The following ATAD2B variants were observed in gnomAD, a reference collection of about 807,000 sequenced individuals.
The protein encoded by ATAD2B is ATPase family AAA domain containing 2B.
A neutral mutation model predicts 167.6 loss-of-function variants in ATAD2B; 40 were observed. The observed-to-expected ratio is 0.24, with a 90% CI of 0.19 to 0.31. The LOEUF (loss-of-function observed/expected upper bound fraction) is 0.31, where lower values mean the gene tolerates loss of function less well. Ranked by LOEUF, ATAD2B falls within the 10% of genes least tolerant of loss-of-function variation. The pLI is 1.00. For synonymous variants in ATAD2B, 579 were observed against 596.5 expected (o/e 0.97, Z 0.43); for missense variants, 1,242 against 1,757.2 (o/e 0.71, Z 5.24).
chr2:23,868,089 T>C, intron 9 of ATAD2B, 143 bp from the exon 10 acceptor site: 1 of 612,802 alleles, frequency 1.6e-6, no homozygotes, highest in Non-Finnish European at 2.8e-6. Context: ...TTTCATACTT[T>C]TACTCTACTT....
At chr2:23,696,319 C>T in the ATAD2B span, 6 of 1,551,116 alleles carry the variant, frequency 3.9e-6, no homozygotes, top group African/African-American at 4.1e-5. This position sits in a 1 kb window ranked among gnomAD's most constrained non-coding sequence, Gnocchi z 5.5. Context: ...CTCTGCCTCC[C>T]ACACTGCCTC....
chr2:23,741,212 C>T, the ATAD2B span, among the ~76,000 whole-genome samples: 1 of 152,030 alleles, frequency 6.6e-6, no homozygotes, highest in African/African-American at 2.4e-5. Context: ...CTTTAAAGTT[C>T]ATATGGAACC....
intron 13 of ATAD2B, among the ~76,000 whole-genome samples, chr2:23,836,115 C>T (rs534474613): frequency 6.7e-6 from 1 of 149,960 alleles, no homozygotes; most frequent in South Asian, 2.2e-4. Context: ...CAGCCTGTAT[C>T]CCATGCCTGC....
chr2:23,693,571 G>T, the ATAD2B span: 1 of 1,531,448 alleles, frequency 6.5e-7, no homozygotes, highest in Non-Finnish European at 8.8e-7. Context: ...CTGGGTTTGG[G>T]GTCCCCCTGC....
At chr2:23,857,820 C>A (rs1372971836) in intron 12 of ATAD2B, among the ~76,000 whole-genome samples, 1 of 146,368 alleles carries the variant, frequency 6.8e-6, no homozygotes, top group Non-Finnish European at 1.5e-5. Flanking sequence ...CGGCTCACTA[C>A]AAGCTCCGTC....
intron 13 of ATAD2B, chr2:23,856,484 T>C (rs1385491364): frequency 7.4e-6 from 3 of 404,834 alleles, no homozygotes; most frequent in Admixed American, 3.2e-5. Context: ...AGATGGTAGA[T>C]TGAAAAATAA....
chr2:23,900,631 G>A (rs1482749678), intron 1 of ATAD2B: 4 of 152,192 alleles, frequency 2.6e-5, no homozygotes, highest in African/African-American at 7.2e-5. Flanking sequence ...ATTAGAGTTT[G>A]AAAAGCATTA....
chr2:23,688,531 G>C, the ATAD2B span, among the ~76,000 whole-genome samples: 5 of 152,190 alleles, frequency 3.3e-5, no homozygotes, highest in Non-Finnish European at 5.9e-5. Context: ...AAACATTCTA[G>C]TAGTTGGGCC....
At chr2:23,899,125 G>C (rs1700482738) in intron 1 of ATAD2B, among the ~76,000 whole-genome samples, 1 of 152,140 alleles carries the variant, frequency 6.6e-6, no homozygotes, top group African/African-American at 2.4e-5. Flanking sequence ...TCCAGCCTGG[G>C]CAACAAGAGG....
chr2:23,844,747 C>A (rs1691469085), intron 13 of ATAD2B, among the ~76,000 whole-genome samples: 2 of 151,742 alleles, frequency 1.3e-5, no homozygotes, highest in Non-Finnish European at 2.9e-5. Flanking sequence ...GGGACAACAT[C>A]AAGAAACTTA....
At chr2:23,687,578 C>T in the ATAD2B span, among the ~76,000 whole-genome samples, 10 of 152,322 alleles carry the variant, frequency 6.6e-5, no homozygotes, top group East Asian at 1.5e-3. Flanking sequence ...GGTGGGGACA[C>T]GCTGCAGACA....
At chr2:23,705,937 G>A in the ATAD2B span, among the ~76,000 whole-genome samples, 3 of 152,184 alleles carry the variant, frequency 2.0e-5, no homozygotes, top group African/African-American at 7.2e-5. Flanking sequence ...AGGGGTCCAG[G>A]CACAGCCATC....
At chr2:23,866,769 T>C (rs1041888066) in intron 10 of ATAD2B, among the ~76,000 whole-genome samples, 2 of 152,244 alleles carry the variant, frequency 1.3e-5, no homozygotes, top group Non-Finnish European at 2.9e-5. Flanking sequence ...TATGCAATTC[T>C]ATTTGATAAC....
At chr2:23,883,530 T>C in intron 6 of ATAD2B, 2 of 961,274 alleles carry the variant, frequency 2.1e-6, no homozygotes, top group Non-Finnish European at 2.8e-6. Context: ...ATATCTACTT[T>C]GGAAACTCTA....
At chr2:23,863,694 T>C in intron 11 of ATAD2B, 139 bp from the exon 12 acceptor site, 1 of 814,606 alleles carries the variant, frequency 1.2e-6, no homozygotes, top group South Asian at 2.4e-5. Context: ...TTTTCCAGGA[T>C]ATAGACAAAA....
At chr2:23,905,523 CA>C (rs917708958) in intron 1 of ATAD2B, among the ~76,000 whole-genome samples, 2 of 151,294 alleles carry the variant, frequency 1.3e-5, no homozygotes, top group Non-Finnish European at 2.9e-5. Flanking sequence ...GACCCTGTTT[CA>C]AAAAAAGAAA....
At chr2:23,764,969 T>G (rs569092886) in intron 23 of ATAD2B, among the ~76,000 whole-genome samples, 1 of 152,350 alleles carries the variant, frequency 6.6e-6, no homozygotes, top group East Asian at 1.9e-4. Flanking sequence ...CTGAACATGC[T>G]TCAACCAGTG....
the ATAD2B span, among the ~76,000 whole-genome samples, chr2:23,684,129 T>A: frequency 1.3e-5 from 2 of 152,170 alleles, no homozygotes; most frequent in Admixed American, 1.3e-4. The surrounding 1 kb of genome is among the most constrained non-coding windows in gnomAD (Gnocchi z 4.4). Context: ...ACCTTTCAAT[T>A]TCTGGGTTTG....
Position 23,863,442 on chromosome 2 carries a change from G to C in ATAD2B, c.1418C>G (p.Ala473Gly). The change falls in exon 12 of 28, where the codon GCA (alanine) becomes GGA (glycine). Residue 473 changes from alanine (A) to glycine (G), a missense_variant. By Grantham distance (60) the Ala-to-Gly change is moderately conservative (BLOSUM62 0). This residue lies in a region of ATAD2B where 151 missense variants were observed against 284.1 expected (regional missense o/e 0.53). Transcript: ENST00000238789. ...ACCAACCCACTTGCTCAAACAATCT[G>C]CTCCTTTTCGCATAAAAAAAGCCAC... Reference protein sequence around the residue: ...KKVAFFMRKGADCLSKWVGES... With the variant: ...KKVAFFMRKGGDCLSKWVGES... 1 of 1,552,522 alleles carries C rather than the reference G, an allele frequency of 6.4e-7. No individual in the cohort carries two copies. Among genetic ancestry groups the C allele is most frequent in the Non-Finnish European group, 8.7e-7 (1 of 1,147,252 alleles).
Sources: gnomAD v4.1 joint callset for allele counts (sites outside exome capture counted in the v4.1 genomes callset) on GRCh38, gnomAD v4.1.1 for gene constraint, gnomAD v4.1.1 regional missense constraint, Gnocchi (gnomAD v3.1) non-coding constraint, MANE v1.5 for transcripts, NCBI Gene and HGNC (gene_info 2026-07-23, HGNC 2026-07-21) for gene names.